ANKRD6: variants seen among roughly 807,000 people sequenced by gnomAD.
ANKRD6 encodes ankyrin repeat domain 6.
ANKRD6 carries 56 observed loss-of-function variants against 82.3 expected under a neutral mutation model. That is an observed-to-expected ratio of 0.68 (90% CI 0.55 to 0.85). The LOEUF (loss-of-function observed/expected upper bound fraction) is 0.85, where lower values mean the gene tolerates loss of function less well. Among genes scored for constraint, ANKRD6 ranks in the 40% least tolerant of loss-of-function variants. The probability of loss-of-function intolerance (pLI) is 0.00; values close to 1 mark genes in which losing one functional copy is unlikely to be tolerated. For missense variants in ANKRD6, 852 were observed against 907.6 expected (o/e 0.94, Z 0.79); for synonymous variants, 347 against 352.1 (o/e 0.99, Z 0.16).
At chr6:89,513,861 A>G (rs1430309152) in intron 1 of ANKRD6, among the ~76,000 whole-genome samples, 1 of 152,262 alleles carries the variant, frequency 6.6e-6, no homozygotes, top group African/African-American at 2.4e-5. Context: ...TGGCAAAGCA[A>G]TTCAGAATGC....
At chr6:89,555,598 C>T (rs1229510412) in intron 1 of ANKRD6, among the ~76,000 whole-genome samples, 3 of 152,054 alleles carry the variant, frequency 2.0e-5, no homozygotes, top group Non-Finnish European at 4.4e-5. Context: ...AATCAGGTAT[C>T]TTTGAAGTCT....
At chr6:89,517,518 TATA>T (rs1443631317) in intron 1 of ANKRD6, among the ~76,000 whole-genome samples, 2 of 152,206 alleles carry the variant, frequency 1.3e-5, no homozygotes, top group African/African-American at 4.8e-5. Context: ...CTTGTTGTAG[TATA>T]ATGTCGAAAG....
chr6:89,608,124 T>C (rs1240773595), intron 5 of ANKRD6, among the ~76,000 whole-genome samples: 3 of 152,200 alleles, frequency 2.0e-5, no homozygotes, highest in African/African-American at 7.2e-5. Context: ...ACTCTGGAGA[T>C]ATTTGCAGTT....
chr6:89,617,083 T>C (rs1801761538), intron 8 of ANKRD6: 1 of 384,530 alleles, frequency 2.6e-6, no homozygotes, highest in South Asian at 1.9e-5. Flanking sequence ...CTGTTTCCCT[T>C]TCCCTCTCCC....
chr6:89,491,414 A>G (rs1181139215), intron 1 of ANKRD6, among the ~76,000 whole-genome samples: 1 of 152,170 alleles, frequency 6.6e-6, no homozygotes, highest in Non-Finnish European at 1.5e-5. Flanking sequence ...CGTCCATACA[A>G]TCTAGGAAGA....
At position 89,566,827 on chromosome 6, in the gene ANKRD6, C is replaced by T. The variant is rs571414322; in HGVS notation, c.-143-7C>T. On this transcript the variant is annotated splice_region_variant and splice_polypyrimidine_tract_variant and intron_variant, in intron 1 of 15. Transcript: ENST00000339746. The stretch of plus-strand genomic sequence containing the variant: ...CCCTGATGGCACCTTTGTTTTGTAA[C>T]CCCTAGGTCCCGAAGATGGCATATT... 4.5e-6 allele frequency: 5 copies of T among 1,102,162 alleles called. No individual in the cohort carries two copies. Among genetic ancestry groups the T allele is most frequent in the Admixed American group, 2.5e-5 (1 of 39,554 alleles). 68.3% of individuals were successfully genotyped at this position (1,102,162 alleles called of 1,614,324 possible). A position where few individuals can be genotyped will look rare whatever the true frequency, so the allele number is the denominator to read the frequency against.
At chr6:89,503,318 A>T (rs1474292050) in intron 1 of ANKRD6, among the ~76,000 whole-genome samples, 1 of 152,190 alleles carries the variant, frequency 6.6e-6, no homozygotes, top group Non-Finnish European at 1.5e-5. Context: ...CCAGTGCCTA[A>T]TGTTACCTCT....
rs190799540 is a variant in ANKRD6 at position 89,589,942 on chromosome 6, C to T, written c.121-5974C>T. On this transcript the variant is annotated intron_variant, in intron 2 of 15. Coordinates refer to ENST00000339746, the MANE Select transcript of ANKRD6 (RefSeq NM_001242809.2). ...TACTGCCTCTTCTCCTCACCCCTGCCGGCCTCAGATGGCCCAGCCTGATAC... is the reference window on the plus strand; with the variant it reads ...TACTGCCTCTTCTCCTCACCCCTGCTGGCCTCAGATGGCCCAGCCTGATAC... Among the ~76,000 whole-genome samples the T allele has an allele frequency of 6.6e-4, 100 of 152,324 alleles. No individual in the cohort carries two copies. The Middle Eastern group carries it at 0.014, about 21-fold the overall frequency.
intron 2 of ANKRD6, among the ~76,000 whole-genome samples, chr6:89,574,230 T>C (rs1790594706): frequency 1.3e-5 from 2 of 152,216 alleles, no homozygotes; most frequent in African/African-American, 4.8e-5. Flanking sequence ...ATTGGGACTT[T>C]CCTGTGCATT....
chr6:89,630,706 C>A lies in ANKRD6; in HGVS notation c.1886C>A (p.Thr629Lys), dbSNP rs767070668. 1.7e-5 allele frequency: 27 copies of A among 1,613,844 alleles called. No homozygotes were observed. Among genetic ancestry groups the A allele is most frequent in the Middle Eastern group, 1.6e-4 (1 of 6,084 alleles). The stretch of plus-strand genomic sequence containing the variant: ...AAGAAGTCTGGGAAGAGTGGGCCAA[C>A]AAGGCATCGTGCCCAGCAACCCGCA... ...QTKKSGKSGP[T>K]RHRAQQPAAS... is the part of the protein sequence containing the mutation. The change falls in exon 16 of 16, where the codon ACA (threonine) becomes AAA (lysine). Residue 629 changes from threonine (T) to lysine (K), a missense_variant. Physicochemically the swap from Thr to Lys is moderately conservative, Grantham distance 78 (BLOSUM62 -1). Transcript: ENST00000339746.
At chr6:89,580,602 C>G (rs1036116266) in intron 2 of ANKRD6, among the ~76,000 whole-genome samples, 1 of 151,884 alleles carries the variant, frequency 6.6e-6, no homozygotes, top group Admixed American at 6.6e-5. Flanking sequence ...TGCTGCCACT[C>G]GCTGGGCTTC....
intron 2 of ANKRD6, among the ~76,000 whole-genome samples, chr6:89,568,974 A>G (rs894266563): frequency 1.3e-5 from 2 of 150,070 alleles, no homozygotes; most frequent in African/African-American, 4.9e-5. Flanking sequence ...TCTGTTGCCC[A>G]GGCAGGAGAG....
At chr6:89,526,398 A>G (rs1782500460) in intron 1 of ANKRD6, among the ~76,000 whole-genome samples, 1 of 152,122 alleles carries the variant, frequency 6.6e-6, no homozygotes, top group Non-Finnish European at 1.5e-5. Context: ...CTTTTCATCT[A>G]TGAACTCTCA....
At chr6:89,606,863 G>A (rs187691574) in intron 5 of ANKRD6, among the ~76,000 whole-genome samples, 2,186 of 150,516 alleles carry the variant, frequency 0.015, 67 homozygotes, top group African/African-American at 0.051. Flanking sequence ...GTGGGGGCAG[G>A]TGGGGGCGGG....
At chr6:89,448,315 T>G (rs372236789) in intron 1 of ANKRD6, among the ~76,000 whole-genome samples, 1 of 151,936 alleles carries the variant, frequency 6.6e-6, no homozygotes, top group Non-Finnish European at 1.5e-5. Context: ...GTGCCTGTAG[T>G]TCCAGCTACT....
At chr6:89,534,899 A>G (rs1783633268) in intron 1 of ANKRD6, among the ~76,000 whole-genome samples, 1 of 152,172 alleles carries the variant, frequency 6.6e-6, no homozygotes, top group African/African-American at 2.4e-5. Flanking sequence ...TTTTGGACCT[A>G]GGGAGCTAAT....
At chr6:89,512,077 T>A (rs1192772737) in intron 1 of ANKRD6, among the ~76,000 whole-genome samples, 1 of 152,068 alleles carries the variant, frequency 6.6e-6, no homozygotes, top group Non-Finnish European at 1.5e-5. Flanking sequence ...GACAGTTTGG[T>A]CTTAGGTATG....
intron 10 of ANKRD6, 35 bp downstream of exon 10, chr6:89,622,061 C>A (rs1437543443): frequency 2.5e-6 from 4 of 1,592,612 alleles, no homozygotes; most frequent in Admixed American, 3.4e-5. Context: ...CCCACATCCA[C>A]CCATGCTCAG....
intron 1 of ANKRD6, among the ~76,000 whole-genome samples, chr6:89,463,073 G>A (rs1299959236): frequency 1.3e-5 from 2 of 151,402 alleles, no homozygotes; most frequent in Admixed American, 6.6e-5. Flanking sequence ...CTACTATGTT[G>A]CCCTGACTTG....
Sources: allele counts gnomAD v4.1 joint callset (sites outside exome capture counted in the v4.1 genomes callset), GRCh38; gene constraint gnomAD v4.1.1; transcripts MANE v1.5; gene names NCBI Gene and HGNC (gene_info 2026-07-23, HGNC 2026-07-21).